ALLC: variants seen among roughly 807,000 people sequenced by gnomAD.
ALLC encodes probable inactive allantoicase.
In ALLC, 40 loss-of-function variants were observed where a neutral mutation model predicts 45.0. The ratio of observed to expected loss-of-function variants is 0.89; its 90% CI spans 0.69 to 1.16. The LOEUF is 1.16. Ranked by LOEUF, ALLC falls within the 50% of genes most tolerant of loss-of-function variation. The pLI is 0.00. For missense variants in ALLC, 488 were observed against 493.1 expected (o/e 0.99, Z 0.10); for synonymous variants, 176 against 178.1 (o/e 0.99, Z 0.09).
intron 7 of ALLC, among the ~76,000 whole-genome samples, chr2:3,693,002 C>A (rs1041652757): frequency 6.6e-6 from 1 of 152,212 alleles, no homozygotes; most frequent in Non-Finnish European, 1.5e-5. Context: ...CCTGGGAAGA[C>A]AGCCCTGCAA....
At chr2:3,681,861 C>A in intron 6 of ALLC, 148 bp downstream of exon 6, 1 of 606,764 alleles carries the variant, frequency 1.6e-6, no homozygotes, top group Non-Finnish European at 2.8e-6. Flanking sequence ...TGTGGCCTTG[C>A]AAACGTCTCA....
rs1667896523 is a variant in ALLC at position 3,702,656 on chromosome 2, G to A, written c.*93G>A. Reference sequence around the variant, plus strand: ...TTTGAACACCTGGTGATTTAATAAAGTGGTCGTCTCACAAATTGATCTCTG... The same window carrying A: ...TTTGAACACCTGGTGATTTAATAAAATGGTCGTCTCACAAATTGATCTCTG... On this transcript the variant is annotated 3_prime_UTR_variant, in exon 12 of 12. Coordinates refer to ENST00000252505, the MANE Select transcript of ALLC (RefSeq NM_018436.4). 2.3e-6 allele frequency: 3 copies of A among 1,328,210 alleles called. No homozygotes were observed. The highest frequency in any genetic ancestry group is 3.0e-6 in the Non-Finnish European group (3 of 993,336). 82.3% of individuals were successfully genotyped at this position (1,328,210 alleles called of 1,614,324 possible).
At chr2:3,653,958 G>T (rs779215600), upstream of ALLC, among the ~76,000 whole-genome samples, 2 of 152,178 alleles carry the variant, frequency 1.3e-5, no homozygotes, top group South Asian at 2.1e-4. The surrounding 1 kb of genome is among the most constrained non-coding windows in gnomAD (Gnocchi z 4.1). Context: ...AGCTTGCATG[G>T]TTCCTGTGAC....
At position 3,686,983 on chromosome 2, in the gene ALLC, G is replaced by A. The variant is rs953927179; in HGVS notation, c.511+3909G>A. On this transcript the variant is annotated intron_variant, in intron 7 of 11. Transcript: ENST00000252505. The stretch of plus-strand genomic sequence containing the variant: ...CTTCCAATATTATGTTAATAAAAGC[G>A]GTGAAAGTGGGCATCCTTGTCTTGT... Among the ~76,000 whole-genome samples the A allele has an allele frequency of 4.6e-5, 7 of 150,990 alleles. 1 individual carries two copies. The highest frequency in any genetic ancestry group is 3.9e-4 in the East Asian group (2 of 5,070).
At chr2:3,662,746 G>C (rs1666604273) in intron 1 of ALLC, among the ~76,000 whole-genome samples, 1 of 152,220 alleles carries the variant, frequency 6.6e-6, no homozygotes, top group Admixed American at 6.5e-5. Context: ...TCTCGAAAGA[G>C]AATAGTTCTT....
chr2:3,674,298 A>C (rs1666967106), intron 3 of ALLC, among the ~76,000 whole-genome samples, 173 bp downstream of exon 3: 1 of 152,248 alleles, frequency 6.6e-6, no homozygotes, highest in Non-Finnish European at 1.5e-5. Context: ...ATGCCAAAAC[A>C]TAGCAGAGAC....
chr2:3,661,917 C>T (rs1158331750), intron 1 of ALLC, among the ~76,000 whole-genome samples: 2 of 152,192 alleles, frequency 1.3e-5, no homozygotes, highest in Non-Finnish European at 2.9e-5. Context: ...TGGGTTCCCC[C>T]TCAGAGGCTC....
chr2:3,672,923 C>T (rs868127732), intron 2 of ALLC, among the ~76,000 whole-genome samples: 1 of 152,212 alleles, frequency 6.6e-6, no homozygotes, highest in South Asian at 2.1e-4. Flanking sequence ...AAGGGAAGAC[C>T]CTGTGCCTGC....
At chr2:3,695,404 G>A (rs1408377317) in intron 7 of ALLC, 1 of 304,562 alleles carries the variant, frequency 3.3e-6, no homozygotes, top group Non-Finnish European at 6.1e-6. Context: ...GTAACCTGGG[G>A]AGTCAGGCAG....
the ALLC span, among the ~76,000 whole-genome samples, chr2:3,649,506 G>T: frequency 6.6e-6 from 1 of 152,248 alleles, no homozygotes; most frequent in Admixed American, 6.5e-5. Context: ...CTCCCAAAGT[G>T]CTGGGATTAC....
Position 3,678,545 on chromosome 2 carries a change from A to C in ALLC, c.162A>C (p.Lys54Asn). 1.2e-6 allele frequency: 2 copies of C among 1,613,850 alleles called. No homozygotes were observed. The highest frequency in any genetic ancestry group is 1.7e-6 in the Non-Finnish European group (2 of 1,179,728). Residue 54 changes from lysine to asparagine, a missense_variant, in exon 4 of 12, where the codon AAA (lysine) becomes AAC (asparagine). Physicochemically the swap from Lys to Asn is moderately conservative, Grantham distance 94 (BLOSUM62 0). Transcript: ENST00000252505. ...TGGATGGCTGGGAGACCAGGAGGAAAAGGATTCCAGGTAATAACAACGGTT... is the reference window on the plus strand; with the variant it reads ...TGGATGGCTGGGAGACCAGGAGGAACAGGATTCCAGGTAATAACAACGGTT... ...KWMDGWETRR[K>N]RIPGHDWCVL...
chr2:3,671,647 A>C (rs955269835), intron 2 of ALLC, among the ~76,000 whole-genome samples: 1 of 134,396 alleles, frequency 7.4e-6, no homozygotes, highest in African/African-American at 2.8e-5. Context: ...CCCTGGCTCT[A>C]TTTAGATCCG....
chr2:3,701,683 T>G (rs1558551489), intron 11 of ALLC, 47 bp downstream of exon 11: 1 of 1,556,738 alleles, frequency 6.4e-7, no homozygotes, highest in Middle Eastern at 1.9e-4. Flanking sequence ...CTGTGCTATT[T>G]CCCTAAGATT....
the ALLC span, among the ~76,000 whole-genome samples, chr2:3,651,443 T>TGTGTGTGTGTGTGTGTGAGAG: frequency 5.9e-5 from 1 of 16,808 alleles, no homozygotes; most frequent in South Asian, 2.4e-3. Flanking sequence ...GTGTGTGTGT[T>TGTGTGTGTGTGTGTGTGAGAG]AGGAAGGGAG....
At chr2:3,652,465 C>G in the ALLC span, among the ~76,000 whole-genome samples, 1 of 151,766 alleles carries the variant, frequency 6.6e-6, no homozygotes, top group African/African-American at 2.4e-5. Flanking sequence ...CTGGGAAGCA[C>G]ATATTTTTCC....
intron 1 of ALLC, among the ~76,000 whole-genome samples, chr2:3,658,633 C>T (rs954247031): frequency 2.0e-5 from 3 of 151,882 alleles, no homozygotes; most frequent in African/African-American, 4.8e-5. Flanking sequence ...TTTGGGAGGC[C>T]GAGGTGGGTG....
At chr2:3,672,967 TG>T (rs1666933102) in intron 2 of ALLC, among the ~76,000 whole-genome samples, 1 of 150,932 alleles carries the variant, frequency 6.6e-6, no homozygotes, top group African/African-American at 2.4e-5. Flanking sequence ...GGGAGACAGA[TG>T]TAAGTCCAGA....
intron 1 of ALLC, among the ~76,000 whole-genome samples, chr2:3,670,633 C>A (rs1468023244): frequency 6.6e-6 from 1 of 152,212 alleles, no homozygotes; most frequent in African/African-American, 2.4e-5. Context: ...GACGTCTGTT[C>A]CCGTGTGGGG....
At chr2:3,699,520 T>C (rs1295406518) in intron 10 of ALLC, among the ~76,000 whole-genome samples, 2 of 152,206 alleles carry the variant, frequency 1.3e-5, no homozygotes, top group Admixed American at 6.5e-5. Context: ...ATATGCCAAA[T>C]AATGGGATTG....
Sources: allele counts gnomAD v4.1 joint callset (sites outside exome capture counted in the v4.1 genomes callset), GRCh38; gene constraint gnomAD v4.1.1; non-coding constraint Gnocchi (gnomAD v3.1); transcripts MANE v1.5; gene names NCBI Gene and HGNC (gene_info 2026-07-23, HGNC 2026-07-21).